Variants in GALNT9 observed in about 807,000 individuals in gnomAD.
The protein encoded by GALNT9 is polypeptide N-acetylgalactosaminyltransferase 9, also known as GalNAc transferase 9.
Under a neutral mutation model 63.1 loss-of-function variants are expected in GALNT9, and 47 were observed. The observed-to-expected ratio is 0.75, with a 90% confidence interval of 0.59 to 0.95. GALNT9 has a LOEUF of 0.95. Among genes scored for constraint, GALNT9 ranks in the 40% least tolerant of loss-of-function variants. The pLI, the probability that GALNT9 is intolerant of heterozygous loss-of-function variation, is 0.00. For missense variants in GALNT9, 829 were observed against 874.8 expected, an observed-to-expected ratio of 0.95 and a Z score of 0.66; for synonymous variants, 396 against 365.7, an observed-to-expected ratio of 1.08 and a Z score of -0.94.
intron 1 of GALNT9, among the ~76,000 whole-genome samples, chr12:132,308,056 A>T (rs1461464814): frequency 1.3e-5 from 2 of 152,040 alleles, no homozygotes; most frequent in Non-Finnish European, 2.9e-5. Flanking sequence ...AAACAAAAAA[A>T]CACACAAACA....
chr12:132,228,825 A>G (rs926521394), intron 6 of GALNT9, among the ~76,000 whole-genome samples: 1 of 152,164 alleles, frequency 6.6e-6, no homozygotes. Context: ...ACCTTTATTA[A>G]GCCTAATAGA....
intron 6 of GALNT9, among the ~76,000 whole-genome samples, chr12:132,219,121 C>T (rs999029611): frequency 4.6e-5 from 7 of 152,330 alleles, no homozygotes; most frequent in African/African-American, 1.7e-4. Context: ...ACACAATCAT[C>T]TGTCCCTGAA....
chr12:132,211,305 C>T (rs1876947377), intron 6 of GALNT9, among the ~76,000 whole-genome samples: 2 of 152,154 alleles, frequency 1.3e-5, no homozygotes, highest in African/African-American at 2.4e-5. Context: ...CAGGAATAAA[C>T]GAACTTATTT....
chr12:132,303,296 C>A (rs1289473602), intron 1 of GALNT9, among the ~76,000 whole-genome samples: 1 of 152,048 alleles, frequency 6.6e-6, no homozygotes, highest in Admixed American at 6.5e-5. Flanking sequence ...GCCACCAGGG[C>A]ATCTTCATTT....
At chr12:132,275,174 C>CT (rs1312354880) in intron 2 of GALNT9, 1 of 152,434 alleles carries the variant, frequency 6.6e-6, no homozygotes, top group African/African-American at 2.4e-5. Flanking sequence ...AGGCAGTGGA[C>CT]TTTCGCTCTT....
At chr12:132,249,045 G>A (rs782148454) in intron 5 of GALNT9, among the ~76,000 whole-genome samples, 44 of 152,210 alleles carry the variant, frequency 2.9e-4, no homozygotes, top group Non-Finnish European at 5.6e-4. Flanking sequence ...GTTTCTACTG[G>A]GTGTCTGGAA....
At chr12:132,292,900 C>T (rs990508781) in intron 1 of GALNT9, among the ~76,000 whole-genome samples, 14 of 151,468 alleles carry the variant, frequency 9.2e-5, no homozygotes, top group African/African-American at 2.7e-4. Flanking sequence ...AGGGCTTTCA[C>T]GGAAAATACT....
chr12:132,230,710 G>C (rs934831192), intron 6 of GALNT9, among the ~76,000 whole-genome samples: 16 of 152,226 alleles, frequency 1.1e-4, no homozygotes, highest in Admixed American at 6.5e-4. Context: ...GCTGGGACAC[G>C]GCATATTTTG....
At chr12:132,301,406 G>A (rs1013427153) in intron 1 of GALNT9, among the ~76,000 whole-genome samples, 8 of 152,346 alleles carry the variant, frequency 5.3e-5, no homozygotes, top group Middle Eastern at 3.4e-3. Flanking sequence ...TGGTGGGCAC[G>A]TGGGAATGGT....
At position 132,238,088 on chromosome 12, in the gene GALNT9, C is replaced by T. The variant is rs2136895800; in HGVS notation, c.1077+9822G>A. On this transcript the variant is annotated intron_variant, in intron 6 of 10. Transcript: ENST00000328957. The surrounding 1 kb of genome is among the most constrained non-coding windows in gnomAD (Gnocchi z 6.5). ...GGTCACGTGTGTTTCCTGTGGCTGC[C>T]GTCCGCCACGAATTCCACAGCTCGG... Among the ~76,000 whole-genome samples the T allele has an allele frequency of 7.5e-4, 114 of 152,290 alleles. No homozygotes were observed. The highest frequency in any genetic ancestry group is 2.3e-3 in the African/African-American group (97 of 41,546).
At chr12:132,216,177 A>G (rs1877182833) in intron 6 of GALNT9, among the ~76,000 whole-genome samples, 1 of 152,210 alleles carries the variant, frequency 6.6e-6, no homozygotes, top group Admixed American at 6.5e-5. Context: ...CATGAGATAG[A>G]GACATAAGAC....
At chr12:132,240,578 C>A (rs2136898711) in intron 6 of GALNT9, 1 of 454,380 alleles carries the variant, frequency 2.2e-6, no homozygotes, top group Admixed American at 2.4e-5. Context: ...GTGCGTGGCC[C>A]CGGGGCTCGG....
intron 1 of GALNT9, among the ~76,000 whole-genome samples, chr12:132,323,966 G>A (rs1458576262): frequency 4.6e-5 from 7 of 152,210 alleles, no homozygotes; most frequent in East Asian, 3.9e-4. Context: ...GATCAGCAAC[G>A]TGGGACGTTG....
At chr12:132,297,027 G>A (rs1189180235) in intron 1 of GALNT9, among the ~76,000 whole-genome samples, 3 of 144,062 alleles carry the variant, frequency 2.1e-5, no homozygotes, top group Admixed American at 1.4e-4. Flanking sequence ...GCTCACTCCT[G>A]AGATACCCAA....
At chr12:132,250,409 C>T (rs1375082667) in intron 5 of GALNT9, among the ~76,000 whole-genome samples, 20 of 152,196 alleles carry the variant, frequency 1.3e-4, no homozygotes, top group Admixed American at 1.3e-3. Flanking sequence ...CGCAGAGGTG[C>T]CCACTTTAGT....
chr12:132,224,937 A>G (rs926247085), intron 6 of GALNT9, among the ~76,000 whole-genome samples: 63 of 130,768 alleles, frequency 4.8e-4, no homozygotes, highest in Non-Finnish European at 9.8e-4. Context: ...CATAAACACA[A>G]CCCACACCCC....
chr12:132,240,306 C>A (rs2136898014), intron 6 of GALNT9, among the ~76,000 whole-genome samples: 4 of 152,262 alleles, frequency 2.6e-5, no homozygotes, highest in African/African-American at 9.6e-5. Flanking sequence ...CCTGTAGCCC[C>A]GGCCCGGCTC....
chr12:132,212,037 C>A (rs763851173), intron 6 of GALNT9, among the ~76,000 whole-genome samples: 1 of 152,184 alleles, frequency 6.6e-6, no homozygotes. Flanking sequence ...CGGACGTGCA[C>A]GCAGGCAGGC....
intron 6 of GALNT9, among the ~76,000 whole-genome samples, chr12:132,213,849 C>G (rs894175771): frequency 2.6e-5 from 4 of 152,260 alleles, no homozygotes; most frequent in Non-Finnish European, 4.4e-5. Flanking sequence ...AAAGAAAGAG[C>G]CTCGACTGCA....
Sources: allele counts gnomAD v4.1 joint callset (sites outside exome capture counted in the v4.1 genomes callset), GRCh38; gene constraint gnomAD v4.1.1; non-coding constraint Gnocchi (gnomAD v3.1); transcripts MANE v1.5; gene names NCBI Gene and HGNC (gene_info 2026-07-23, HGNC 2026-07-21).